CPSF7: variants seen among roughly 807,000 people sequenced by gnomAD.
CPSF7 encodes cleavage and polyadenylation specific factor 7.
Under a neutral mutation model 44.3 loss-of-function variants are expected in CPSF7, and 1 was observed. That is an observed-to-expected ratio of 0.02 (90% confidence interval 0.01 to 0.11). The LOEUF (loss-of-function observed/expected upper bound fraction) is 0.11, where lower values mean the gene tolerates loss of function less well. Ranked by LOEUF, CPSF7 falls within the 10% of genes least tolerant of loss-of-function variation. CPSF7 has a pLI of 1.00. For synonymous variants in CPSF7, 202 were observed against 222.0 expected (o/e 0.91, Z 0.80); for missense variants, 443 against 607.2 (o/e 0.73, Z 2.84).
In CPSF7 at chr11:61,420,591, G is replaced by GA; in HGVS notation, c.274-19dup. On this transcript the variant is annotated intron_variant, in intron 3 of 9. Coordinates refer to ENST00000439958, the MANE Select transcript of CPSF7 (RefSeq NM_001142565.3). ...GTGGTCCACTGGGGCCGGCAAGATG[G>GA]AAAAGGAAGAGATGTCAAGAGCTAC... 1 of 1,598,974 alleles carries GA rather than the reference G, an allele frequency of 6.3e-7. No individual in the cohort carries two copies. The highest frequency in any genetic ancestry group is 8.6e-7 in the Non-Finnish European group (1 of 1,166,298).
intron 7 of CPSF7, among the ~76,000 whole-genome samples, chr11:61,412,284 A>AT (rs551458293): frequency 1.8e-4 from 27 of 149,134 alleles, no homozygotes; most frequent in Admixed American, 1.0e-3. Context: ...TTTAGTGTTT[A>AT]TTTTTTTTCA....
intron 9 of CPSF7, among the ~76,000 whole-genome samples, chr11:61,405,589 C>T (rs1006593021): frequency 8.5e-5 from 13 of 152,174 alleles, no homozygotes; most frequent in African/African-American, 4.8e-5. Context: ...TACCCATCTG[C>T]GGGTGGTGGT....
rs1248303139 is a variant in CPSF7, at chr11:61,429,253, C to A, written c.-18G>T. On this transcript the variant is annotated 5_prime_UTR_variant, in exon 2 of 10. Coordinates refer to ENST00000439958, the MANE Select transcript of CPSF7 (RefSeq NM_001142565.3). ...TCTGACATGGCTCCGGAAGGAAGATCGCGAGTCCGGAGGATGGACAAAGTA... is the reference window on the plus strand; with the variant it reads ...TCTGACATGGCTCCGGAAGGAAGATAGCGAGTCCGGAGGATGGACAAAGTA... 6.2e-7 allele frequency: 1 copy of A among 1,613,472 alleles called. No individual in the cohort carries two copies. The highest frequency in any genetic ancestry group is 8.5e-7 in the Non-Finnish European group (1 of 1,179,602).
chr11:61,427,855 A>G (rs1861537232), intron 2 of CPSF7, among the ~76,000 whole-genome samples: 2 of 152,218 alleles, frequency 1.3e-5, no homozygotes, highest in African/African-American at 4.8e-5. Context: ...AAACCATAAT[A>G]CATCAAAAAA....
intron 2 of CPSF7, among the ~76,000 whole-genome samples, chr11:61,428,098 T>C (rs1337281504): frequency 6.6e-6 from 1 of 152,222 alleles, no homozygotes; most frequent in Non-Finnish European, 1.5e-5. Context: ...TAGTACGTTT[T>C]CAATAGAAAT....
At chr11:61,417,794 T>C (rs924601686) in intron 5 of CPSF7, among the ~76,000 whole-genome samples, 4 of 152,240 alleles carry the variant, frequency 2.6e-5, no homozygotes, top group Non-Finnish European at 5.9e-5. Flanking sequence ...TCTGCAAAGG[T>C]TGTTTTGTAT....
In CPSF7 at chr11:61,414,624, G is replaced by A. The variant is rs766717437; in HGVS notation, c.1057+1042C>T. 2.0e-5 allele frequency among the ~76,000 whole-genome samples: 3 copies of A among 152,196 alleles called. No individual in the cohort carries two copies. In the South Asian group the frequency reaches 6.2e-4, roughly 31 times the overall value. ...TTTAGGGCTAACTTATTTCTTAGGA[G>A]ATCTGATAATCTACAGACATTTACA... On this transcript the variant is annotated intron_variant, in intron 7 of 9. Transcript: ENST00000439958.
chr11:61,406,402 C>T (rs1859323792), intron 9 of CPSF7, among the ~76,000 whole-genome samples: 1 of 152,180 alleles, frequency 6.6e-6, no homozygotes, highest in South Asian at 2.1e-4. Context: ...TAAATGAGGA[C>T]CATGTACCAT....
intron 9 of CPSF7, among the ~76,000 whole-genome samples, chr11:61,409,488 A>T (rs757468774): frequency 1.3e-5 from 2 of 152,064 alleles, no homozygotes; most frequent in Non-Finnish European, 2.9e-5. Context: ...CAAAACAAAA[A>T]ACACAACAAC....
chr11:61,407,342 C>T (rs936165388), intron 9 of CPSF7, among the ~76,000 whole-genome samples: 12 of 152,234 alleles, frequency 7.9e-5, no homozygotes, highest in Non-Finnish European at 1.3e-4. Context: ...AAGACATACA[C>T]TGTAGCCTAC....
chr11:61,408,246 A>G (rs1343524211), intron 9 of CPSF7, among the ~76,000 whole-genome samples: 11 of 151,742 alleles, frequency 7.2e-5, no homozygotes, highest in African/African-American at 1.9e-4. Context: ...TATTTTTAGT[A>G]GAGATGGGGT....
rs780469074 is a variant in CPSF7 at position 61,416,131 on chromosome 11, G to A, written c.912C>T (p.Ala304=). Residue 304 remains alanine, a synonymous_variant, in exon 6 of 10, where the codon GCC becomes GCT. Transcript: ENST00000439958. ...VGPPPDTYMK[A]SAPYNHHGSR... Reference sequence around the variant, plus strand: ...TGCCATGGTGGTTATAGGGGGCAGAGGCCTTCATGTAAGTATCTGGTGGAG... The same window carrying A: ...TGCCATGGTGGTTATAGGGGGCAGAAGCCTTCATGTAAGTATCTGGTGGAG... 6 of 1,509,570 alleles carry A rather than the reference G, an allele frequency of 4.0e-6. No individual in the cohort carries two copies. In the East Asian group the frequency reaches 9.2e-5, roughly 23 times the overall value. The allele number at this position is 1,509,570 out of a possible 1,614,324, so 93.5% of individuals were successfully genotyped here.
chr11:61,423,105 C>CAAAAAA (rs71471824), intron 2 of CPSF7, among the ~76,000 whole-genome samples: 78 of 51,850 alleles, frequency 1.5e-3, no homozygotes, highest in African/African-American at 2.6e-3. Context: ...GACCCCATAT[C>CAAAAAA]AAAAAAAAAA....
chr11:61,412,796 T>C (rs1173275624), intron 7 of CPSF7, among the ~76,000 whole-genome samples: 4 of 152,206 alleles, frequency 2.6e-5, no homozygotes, highest in African/African-American at 9.6e-5. Flanking sequence ...GTTGATATAA[T>C]AGGTGTCCAG....
chr11:61,429,935 G>C lies in CPSF7; in HGVS notation c.-77C>G, dbSNP rs1443775666. 1 of 1,432,012 alleles carries C rather than the reference G, an allele frequency of 7.0e-7. No individual in the cohort carries two copies. The highest frequency in any genetic ancestry group is 1.3e-5 in the South Asian group (1 of 75,478). The allele number at this position is 1,432,012 out of a possible 1,614,324, so 88.7% of individuals were successfully genotyped here. A position where few individuals can be genotyped will look rare whatever the true frequency, so the allele number is the denominator to read the frequency against. ...TTACCGGGAATATGGCGGCGGCGGCGGCGAGTCCGGACTAGGCCCGAAGCG... is the reference window on the plus strand; with the variant it reads ...TTACCGGGAATATGGCGGCGGCGGCCGCGAGTCCGGACTAGGCCCGAAGCG... On this transcript the variant is annotated 5_prime_UTR_variant, in exon 1 of 10. Coordinates refer to ENST00000439958, the MANE Select transcript of CPSF7 (RefSeq NM_001142565.3).
Position 61,410,998 on chromosome 11 carries a change from T to C in CPSF7, c.1334A>G (p.Glu445Gly). ...GTGTCTCTCATGCTCCCGGTTCCTT[T>C]CTTGGAAATAATCATCATGCCGATC... ...NEDRHDDYFQ[E>G]RNREHERHRD... is the part of the protein sequence containing the mutation. Residue 445 changes from glutamate (E) to glycine (G), a missense_variant, in exon 9 of 10, where the codon GAA becomes GGA. By Grantham distance (98) the Glu-to-Gly change is moderately conservative. Coordinates refer to ENST00000439958, the MANE Select transcript of CPSF7 (RefSeq NM_001142565.3). The C allele has an allele frequency of 2.5e-6, 4 of 1,613,912 alleles. No individual in the cohort carries two copies. Among genetic ancestry groups the C allele is most frequent in the Non-Finnish European group, 3.4e-6 (4 of 1,179,984 alleles).
At chr11:61,420,117 T>C in intron 4 of CPSF7, 23 bp from the exon 5 acceptor site, 1 of 1,573,554 alleles carries the variant, frequency 6.4e-7, no homozygotes, top group Non-Finnish European at 8.6e-7. Flanking sequence ...AAATTAAAAA[T>C]GAATGAAATC....
intron 3 of CPSF7, 53 bp from the exon 4 acceptor site, chr11:61,420,626 C>A: frequency 7.3e-7 from 1 of 1,377,294 alleles, no homozygotes; most frequent in South Asian, 1.2e-5. Context: ...CACCCCCGCC[C>A]GCCAATGTCC....
intron 2 of CPSF7, chr11:61,428,876 G>A (rs2135423952): frequency 9.8e-6 from 2 of 204,402 alleles, no homozygotes; most frequent in Non-Finnish European, 2.0e-5. Context: ...TGATTTTTAA[G>A]TGTGGTTAGT....
Sources: allele counts gnomAD v4.1 joint callset (sites outside exome capture counted in the v4.1 genomes callset), GRCh38; gene constraint gnomAD v4.1.1; transcripts MANE v1.5; gene names NCBI Gene and HGNC (gene_info 2026-07-23, HGNC 2026-07-21).